The following SLIT1 variants were observed in gnomAD, a reference collection of about 807,000 sequenced individuals.
SLIT1 encodes slit guidance ligand 1.
Under a neutral mutation model 186.1 loss-of-function variants are expected in SLIT1, and 66 were observed. The observed-to-expected ratio is 0.35, with a 90% CI of 0.29 to 0.44. The LOEUF (loss-of-function observed/expected upper bound fraction) is 0.44. Ranked by LOEUF, SLIT1 falls within the 20% of genes least tolerant of loss-of-function variation. SLIT1 has a pLI of 1.00. For synonymous variants in SLIT1, 761 were observed against 833.8 expected, an observed-to-expected ratio of 0.91 and a Z score of 1.50; for missense variants, 1,638 against 2,037.4, an observed-to-expected ratio of 0.80 and a Z score of 3.77.
At chr10:97,164,733 C>T in intron 2 of SLIT1, 86 bp downstream of exon 2, 5 of 1,033,086 alleles carry the variant, frequency 4.8e-6, no homozygotes, top group Non-Finnish European at 7.6e-6. Flanking sequence ...AGACAGCCCA[C>T]CACCCTACCA....
At chr10:97,127,798 T>TA (rs777498236) in intron 4 of SLIT1, among the ~76,000 whole-genome samples, 9 of 152,310 alleles carry the variant, frequency 5.9e-5, no homozygotes, top group Non-Finnish European at 1.3e-4. Flanking sequence ...CCCACCCAGC[T>TA]ATGACTCCAG....
At chr10:97,018,262 A>C (rs1379884862) in intron 28 of SLIT1, among the ~76,000 whole-genome samples, 7 of 152,242 alleles carry the variant, frequency 4.6e-5, no homozygotes, top group Non-Finnish European at 8.8e-5. Flanking sequence ...GGCACCTGGC[A>C]GGAGCAGGAA....
rs1850407762 is a variant in SLIT1 at position 97,185,822 on chromosome 10, C to T, written c.-148G>A. ...GGCGCCCCTGCGGGCTGGGAGGCAC[C>T]TTGCTCCTCCAAGCGACGGCGCCTG... On this transcript the variant is annotated 5_prime_UTR_variant, in exon 1 of 37. Transcript: ENST00000266058. 1.5e-6 allele frequency: 1 copy of T among 648,328 alleles called. No homozygotes were observed. The highest frequency in any genetic ancestry group is 2.7e-5 in the South Asian group (1 of 36,788). 40.2% of individuals were successfully genotyped at this position (648,328 alleles called of 1,614,324 possible). A position where few individuals can be genotyped will look rare whatever the true frequency, so the allele number is the denominator to read the frequency against.
chr10:97,048,209 G>C (rs977232979), intron 14 of SLIT1, among the ~76,000 whole-genome samples: 1 of 152,176 alleles, frequency 6.6e-6, no homozygotes, highest in Non-Finnish European at 1.5e-5. Context: ...TAAACCTCTC[G>C]CAAGGAGTGC....
chr10:97,077,923 T>A (rs571516987), intron 4 of SLIT1, among the ~76,000 whole-genome samples: 4 of 151,974 alleles, frequency 2.6e-5, no homozygotes, highest in South Asian at 4.2e-4. Context: ...CTGGGCAACA[T>A]AGCAAGACCT....
chr10:97,015,066 C>T (rs1848443227), intron 28 of SLIT1, among the ~76,000 whole-genome samples: 1 of 152,136 alleles, frequency 6.6e-6, no homozygotes, highest in Admixed American at 6.5e-5. Flanking sequence ...CAAGGTTTTC[C>T]AAGGGGTGTG....
chr10:97,163,107 T>C (rs1850052939), intron 3 of SLIT1, among the ~76,000 whole-genome samples: 1 of 152,346 alleles, frequency 6.6e-6, no homozygotes, highest in Admixed American at 6.5e-5. Context: ...TATTATTATG[T>C]AAATTTTTTG....
chr10:97,141,238 G>C (rs1409015967), intron 4 of SLIT1, among the ~76,000 whole-genome samples: 1 of 152,190 alleles, frequency 6.6e-6, no homozygotes, highest in African/African-American at 2.4e-5. Flanking sequence ...TCGTGTCTAG[G>C]AAGCCTGCCT....
chr10:97,093,660 A>G (rs147167946), intron 4 of SLIT1, among the ~76,000 whole-genome samples: 1 of 152,364 alleles, frequency 6.6e-6, no homozygotes, highest in African/African-American at 2.4e-5. Flanking sequence ...GCCATACTGT[A>G]ATGTGAGAGA....
At chr10:97,034,979 A>G (rs1848625571) in intron 22 of SLIT1, among the ~76,000 whole-genome samples, 1 of 152,186 alleles carries the variant, frequency 6.6e-6, no homozygotes, top group South Asian at 2.1e-4. Flanking sequence ...ACAAAGACCC[A>G]GAGTCTCAGA....
At chr10:97,146,515 C>T (rs1020611683) in intron 4 of SLIT1, among the ~76,000 whole-genome samples, 1 of 152,070 alleles carries the variant, frequency 6.6e-6, no homozygotes, top group Admixed American at 6.6e-5. Flanking sequence ...GAAACAGGGG[C>T]CTTCTTTAGG....
At position 97,036,173 on chromosome 10, in the gene SLIT1, G is replaced by A. The variant is rs144137671; in HGVS notation, c.2366+1525C>T. 2.4e-3 allele frequency among the ~76,000 whole-genome samples: 360 copies of A among 152,264 alleles called. 1 individual carries two copies. The highest frequency in any genetic ancestry group is 7.9e-3 in the African/African-American group (328 of 41,544). Reference sequence around the variant, plus strand: ...GTGCCTTCATCTTCTCCTCCTGAACGTTCCTCTAATCTAATTCTAAATCAT... The same window carrying A: ...GTGCCTTCATCTTCTCCTCCTGAACATTCCTCTAATCTAATTCTAAATCAT... On this transcript the variant is annotated intron_variant, in intron 22 of 36. Coordinates refer to ENST00000266058, the MANE Select transcript of SLIT1 (RefSeq NM_003061.3).
chr10:97,162,334 G>A (rs1850039593), intron 3 of SLIT1, among the ~76,000 whole-genome samples: 1 of 152,184 alleles, frequency 6.6e-6, no homozygotes, highest in Non-Finnish European at 1.5e-5. Flanking sequence ...CAATGGCCAG[G>A]CACGGTGGCT....
intron 4 of SLIT1, among the ~76,000 whole-genome samples, chr10:97,128,445 G>A (rs865842966): frequency 1.1e-4 from 16 of 152,128 alleles, no homozygotes; most frequent in African/African-American, 3.6e-4. Context: ...TCAGCAAAGA[G>A]CTGTGAACGT....
At chr10:97,164,282 CA>C (rs1453148527) in intron 2 of SLIT1, among the ~76,000 whole-genome samples, 2 of 55,854 alleles carry the variant, frequency 3.6e-5, no homozygotes, top group African/African-American at 9.3e-5. Flanking sequence ...GGGGGCAGGG[CA>C]GGGGGGGGAA....
At chr10:97,180,398 C>T (rs1017591178) in intron 1 of SLIT1, among the ~76,000 whole-genome samples, 3 of 152,192 alleles carry the variant, frequency 2.0e-5, no homozygotes, top group Non-Finnish European at 2.9e-5. Flanking sequence ...GAGAAGTCGC[C>T]CTTTCCTCCA....
intron 4 of SLIT1, among the ~76,000 whole-genome samples, chr10:97,137,123 C>G (rs1849710764): frequency 6.6e-6 from 1 of 152,156 alleles, no homozygotes; most frequent in South Asian, 2.1e-4. Flanking sequence ...TAAAAACAAC[C>G]ATTTTTATTT....
At chr10:97,040,240 GC>G in intron 20 of SLIT1, 120 bp from the exon 21 acceptor site, 1 of 1,078,414 alleles carries the variant, frequency 9.3e-7, no homozygotes, top group Non-Finnish European at 1.3e-6. Flanking sequence ...CAGTACCTTG[GC>G]CATCAGTAAG....
chr10:97,163,591 T>C, intron 2 of SLIT1, 140 bp from the exon 3 acceptor site: 1 of 743,504 alleles, frequency 1.3e-6, no homozygotes, highest in Non-Finnish European at 2.4e-6. Flanking sequence ...TGCCCAAGCC[T>C]CACACAGGCC....
Sources: allele counts gnomAD v4.1 joint callset (sites outside exome capture counted in the v4.1 genomes callset), GRCh38; gene constraint gnomAD v4.1.1; transcripts MANE v1.5; gene names NCBI Gene and HGNC (gene_info 2026-07-23, HGNC 2026-07-21).